STK3: variants seen among roughly 807,000 people sequenced by gnomAD.
STK3 encodes the protein serine/threonine-protein kinase 3.
Under a neutral mutation model 58.0 loss-of-function variants are expected in STK3, and 41 were observed. That is an observed-to-expected ratio of 0.71 (90% CI 0.55 to 0.92). STK3 has a LOEUF of 0.92. Ranked by LOEUF, STK3 falls within the 40% of genes least tolerant of loss-of-function variation. The probability of loss-of-function intolerance (pLI) is 0.00; values close to 1 mark genes in which losing one functional copy is unlikely to be tolerated. For missense variants in STK3, 479 were observed against 602.7 expected (o/e 0.79, Z 2.15); for synonymous variants, 170 against 191.0 (o/e 0.89, Z 0.91).
At chr8:98,350,646 T>C in the STK3 span, among the ~76,000 whole-genome samples, 5 of 152,198 alleles carry the variant, frequency 3.3e-5, no homozygotes, top group Non-Finnish European at 7.3e-5. Context: ...CTCACAATCA[T>C]GGCAGAAGGT....
intron 3 of STK3, chr8:98,427,836 C>T: frequency 1.5e-6 from 1 of 658,308 alleles, no homozygotes; most frequent in Non-Finnish European, 2.6e-6. Flanking sequence ...CTTCAGCACC[C>T]AAGACCCACC....
chr8:98,708,743 C>T (rs1312830232), intron 4 of STK3, among the ~76,000 whole-genome samples: 10 of 152,154 alleles, frequency 6.6e-5, no homozygotes, highest in Admixed American at 6.5e-4. Context: ...AGGTTCTTGG[C>T]ACAAAATCTC....
intron 1 of STK3, among the ~76,000 whole-genome samples, chr8:98,915,449 TATATATATATATATATATATAG>T (rs1022534057): frequency 9.5e-5 from 5 of 52,722 alleles, no homozygotes; most frequent in African/African-American, 1.8e-4. Context: ...TATATATATA[TATATATATATATATATATATAG>T]TTCTGTCCTC....
At chr8:98,466,095 G>A (rs1000673601) in intron 10 of STK3, among the ~76,000 whole-genome samples, 1 of 152,130 alleles carries the variant, frequency 6.6e-6, no homozygotes, top group African/African-American at 2.4e-5. Flanking sequence ...TTATCTCAGC[G>A]ATTCTGATTA....
chr8:98,628,848 G>A (rs1055986058), intron 6 of STK3, among the ~76,000 whole-genome samples: 2 of 148,406 alleles, frequency 1.3e-5, no homozygotes, highest in African/African-American at 4.9e-5. Flanking sequence ...AAAAAGGAAT[G>A]TGCCTATAAA....
rs754682937 is a variant in STK3, at chr8:98,548,126, C to T, written c.984G>A (p.Lys328=). Residue 328 remains lysine, a synonymous_variant, in exon 9 of 11, where the codon AAG becomes AAA. Transcript: ENST00000419617. Reference sequence around the variant, plus strand: ...TGGTGCCCACACTCTCCACACTAGTCTTCACCATGGTGTGGGAATCCAGCT... The same window carrying T: ...TGGTGCCCACACTCTCCACACTAGTTTTCACCATGGTGTGGGAATCCAGCT... ...EDELDSHTMV[K]TSVESVGTMR... 1.3e-6 allele frequency: 2 copies of T among 1,586,888 alleles called. No individual in the cohort carries two copies. The highest frequency in any genetic ancestry group is 1.7e-6 in the Non-Finnish European group (2 of 1,167,854).
At chr8:98,906,651 A>G (rs974328399) in intron 1 of STK3, 4 of 152,268 alleles carry the variant, frequency 2.6e-5, no homozygotes, top group Admixed American at 6.5e-5. Flanking sequence ...AATTGCAAGT[A>G]TTAAAAAATG....
chr8:98,491,653 T>C (rs1436951825), intron 10 of STK3, among the ~76,000 whole-genome samples: 1 of 152,180 alleles, frequency 6.6e-6, no homozygotes, highest in Non-Finnish European at 1.5e-5. Flanking sequence ...CAGGCTGGTC[T>C]TGAACGCCCA....
intron 10 of STK3, among the ~76,000 whole-genome samples, chr8:98,505,419 A>G (rs1823981153): frequency 6.6e-6 from 1 of 152,080 alleles, no homozygotes; most frequent in Admixed American, 6.5e-5. Flanking sequence ...TTCTCTGTCC[A>G]GTTTTGTTCC....
chr8:98,913,400 C>T (rs2922068), intron 1 of STK3, among the ~76,000 whole-genome samples: 52,833 of 152,098 alleles, frequency 0.35, 9,732 homozygotes, highest in East Asian at 0.45. Context: ...GTTGTTTGTT[C>T]TTTAAAAGTT....
chr8:98,502,501 C>T (rs530816597), intron 10 of STK3, among the ~76,000 whole-genome samples: 1 of 152,256 alleles, frequency 6.6e-6, no homozygotes, highest in South Asian at 2.1e-4. Flanking sequence ...AAAGGGAATG[C>T]TTCCAGTTTT....
chr8:98,789,568 G>C (rs566084236), intron 1 of STK3, among the ~76,000 whole-genome samples: 4 of 152,072 alleles, frequency 2.6e-5, no homozygotes, highest in Non-Finnish European at 5.9e-5. Context: ...ACCGAAAAGG[G>C]AGATATTACA....
chr8:98,428,957 C>T lies in STK3; in HGVS notation n.483+5170G>A, dbSNP rs1477421693. 2 of 1,614,162 alleles carry T rather than the reference C, an allele frequency of 1.2e-6. No homozygotes were observed. Among genetic ancestry groups the T allele is most frequent in the East Asian group, 2.2e-5 (1 of 44,872 alleles). On this transcript the variant is annotated intron_variant and non_coding_transcript_variant, in intron 3 of 3. Coordinates refer to the STK3 transcript ENST00000517832. This position sits in a 1 kb window ranked among gnomAD's most constrained non-coding sequence, Gnocchi z 6.7. ...TGGGGGCCACTTTGAAATACAGCTA[C>T]AAAGAAGTAGGGCTGCTCTTGCTCT...
intron 10 of STK3, among the ~76,000 whole-genome samples, chr8:98,517,789 G>T (rs775051326): frequency 1.6e-4 from 25 of 151,940 alleles, no homozygotes; most frequent in Non-Finnish European, 3.4e-4. Context: ...TAAATTAGAA[G>T]ATCATAAATT....
rs546505535 is a variant in STK3, at chr8:98,631,118, C to T, written c.685-34949G>A. Among the ~76,000 whole-genome samples the T allele has an allele frequency of 1.1e-4, 17 of 152,228 alleles. No homozygotes were observed. In the East Asian group the frequency reaches 1.5e-3, roughly 14 times the overall value. On this transcript the variant is annotated intron_variant, in intron 6 of 10. Transcript: ENST00000419617. ...TTACCTTTACTACCCTGGTTCAGGCCGCCATTATCTCTTACCTGGACTACT... is the reference window on the plus strand; with the variant it reads ...TTACCTTTACTACCCTGGTTCAGGCTGCCATTATCTCTTACCTGGACTACT...
chr8:98,743,931 G>C (rs1053328694), intron 4 of STK3, among the ~76,000 whole-genome samples: 1 of 152,152 alleles, frequency 6.6e-6, no homozygotes, highest in African/African-American at 2.4e-5. Context: ...GACATGAACA[G>C]ACACTTCTCA....
chr8:98,442,992 C>CA (rs55664519), intron 1 of STK3, among the ~76,000 whole-genome samples: 69,187 of 147,138 alleles, frequency 0.47, 16,232 homozygotes, highest in South Asian at 0.52. Context: ...TTAGCTAAAG[C>CA]AAAAAAAAAA....
intron 3 of STK3, among the ~76,000 whole-genome samples, chr8:98,750,774 C>G (rs1450589270): frequency 6.6e-6 from 1 of 152,120 alleles, no homozygotes; most frequent in African/African-American, 2.4e-5. Context: ...CATTCTGATA[C>G]CAAAACCTGG....
intron 4 of STK3, among the ~76,000 whole-genome samples, chr8:98,708,205 A>G (rs1332489028): frequency 6.6e-6 from 1 of 152,160 alleles, no homozygotes; most frequent in Non-Finnish European, 1.5e-5. Context: ...TCAGCCTGAT[A>G]TAAGGAATCA....
Sources: gnomAD v4.1 joint callset for allele counts (sites outside exome capture counted in the v4.1 genomes callset) on GRCh38, gnomAD v4.1.1 for gene constraint, Gnocchi (gnomAD v3.1) non-coding constraint, MANE v1.5 for transcripts, NCBI Gene and HGNC (gene_info 2026-07-23, HGNC 2026-07-21) for gene names.